The following DSCAM variants were observed in gnomAD, a reference collection of about 807,000 sequenced individuals.
DSCAM encodes the protein DS cell adhesion molecule.
DSCAM carries 47 observed loss-of-function variants against 217.7 expected under a neutral mutation model. The ratio of observed to expected loss-of-function variants is 0.22; its 90% CI spans 0.17 to 0.28. The LOEUF (loss-of-function observed/expected upper bound fraction) is 0.28, where lower values mean the gene tolerates loss of function less well. DSCAM is among the 10% of genes least tolerant of loss of function. The probability of loss-of-function intolerance (pLI) is 1.00; values close to 1 mark genes in which losing one functional copy is unlikely to be tolerated. For synonymous variants in DSCAM, 1,056 were observed against 1,015.3 expected (o/e 1.04, Z -0.76); for missense variants, 2,080 against 2,618.3 (o/e 0.79, Z 4.49).
chr21:40,093,637 G>C lies in DSCAM; in HGVS notation c.3850+84C>G, dbSNP rs1422976412. 4.0e-6 allele frequency: 6 copies of C among 1,483,908 alleles called. No individual in the cohort carries two copies. In the Admixed American group the frequency reaches 1.0e-4, roughly 25 times the overall value. 91.9% of individuals were successfully genotyped at this position (1,483,908 alleles called of 1,614,324 possible). A position where few individuals can be genotyped will look rare whatever the true frequency, so the allele number is the denominator to read the frequency against. On this transcript the variant is annotated intron_variant, in intron 21 of 32. Coordinates refer to ENST00000400454, the MANE Select transcript of DSCAM (RefSeq NM_001389.5). ...TCTGGTTTATTTGATTTTTAGGAAA[G>C]TGTAAGTTTTATTTCAGGTAAAATA...
chr21:40,415,433 G>T (rs1601624746), intron 3 of DSCAM, among the ~76,000 whole-genome samples: 1 of 152,338 alleles, frequency 6.6e-6, no homozygotes, highest in East Asian at 1.9e-4. Flanking sequence ...ATTTCAAAGA[G>T]AAATGAATAT....
chr21:40,590,208 G>A (rs455772), intron 3 of DSCAM, among the ~76,000 whole-genome samples: 21,829 of 152,222 alleles, frequency 0.14, 1,647 homozygotes, highest in African/African-American at 0.18. Flanking sequence ...CCAGGTCTGC[G>A]ACTTACATGG....
chr21:40,799,460 C>A (rs998122), intron 1 of DSCAM, among the ~76,000 whole-genome samples: 1 of 151,938 alleles, frequency 6.6e-6, no homozygotes, highest in African/African-American at 2.4e-5. Context: ...AACAAATTAC[C>A]CCAAGTTTGG....
chr21:40,673,618 G>A (rs1601839309), intron 3 of DSCAM, among the ~76,000 whole-genome samples: 1 of 152,244 alleles, frequency 6.6e-6, no homozygotes, highest in East Asian at 1.9e-4. Flanking sequence ...CCCTAATGTT[G>A]GAAGTGGGGC....
intron 16 of DSCAM, among the ~76,000 whole-genome samples, chr21:40,161,997 T>C (rs926837170): frequency 1.3e-5 from 2 of 152,230 alleles, no homozygotes; most frequent in Non-Finnish European, 2.9e-5. Context: ...GTAAATTTCA[T>C]ATATCTTTAA....
chr21:40,831,065 G>C (rs1169026557), intron 1 of DSCAM, among the ~76,000 whole-genome samples: 1 of 152,202 alleles, frequency 6.6e-6, no homozygotes, highest in Non-Finnish European at 1.5e-5. Flanking sequence ...CACGCAGTGT[G>C]TATCCTGCAG....
chr21:40,463,806 A>G (rs925691078), intron 3 of DSCAM, among the ~76,000 whole-genome samples: 1 of 152,146 alleles, frequency 6.6e-6, no homozygotes, highest in African/African-American at 2.4e-5. Context: ...CCTGAGCTCC[A>G]TCATTTGTCT....
At chr21:40,134,101 T>C in intron 18 of DSCAM, 92 bp from the exon 19 acceptor site, 1 of 1,459,636 alleles carries the variant, frequency 6.9e-7, no homozygotes, top group Non-Finnish European at 9.2e-7. Context: ...CCCTGTGCCA[T>C]GCCATCACCC....
At chr21:40,197,643 C>T (rs1022544915) in intron 11 of DSCAM, among the ~76,000 whole-genome samples, 2 of 152,220 alleles carry the variant, frequency 1.3e-5, no homozygotes, top group Non-Finnish European at 2.9e-5. Context: ...TCTCTTTCCT[C>T]CTTCCTTCCT....
At chr21:40,690,783 G>A (rs1354197152) in intron 3 of DSCAM, among the ~76,000 whole-genome samples, 6 of 152,288 alleles carry the variant, frequency 3.9e-5, no homozygotes, top group Non-Finnish European at 7.3e-5. Flanking sequence ...AATTAAAGAT[G>A]TCTAAAAACA....
intron 3 of DSCAM, among the ~76,000 whole-genome samples, chr21:40,500,488 C>A (rs572057495): frequency 3.3e-5 from 5 of 152,320 alleles, no homozygotes; most frequent in African/African-American, 1.2e-4. Context: ...GTCAACTTAA[C>A]TATTTTCTTT....
chr21:40,311,005 C>T (rs1481692853), intron 9 of DSCAM, among the ~76,000 whole-genome samples: 1 of 152,020 alleles, frequency 6.6e-6, no homozygotes, highest in Non-Finnish European at 1.5e-5. Flanking sequence ...GTGTCACTTC[C>T]TTTTGCTGGC....
chr21:40,424,349 T>C (rs552858827), intron 3 of DSCAM, among the ~76,000 whole-genome samples: 6 of 152,212 alleles, frequency 3.9e-5, no homozygotes, highest in South Asian at 4.2e-4. Flanking sequence ...GGTGTCCTTA[T>C]AGAATGGAGA....
chr21:40,389,084 T>TC (rs886613088), intron 3 of DSCAM, among the ~76,000 whole-genome samples: 11 of 152,076 alleles, frequency 7.2e-5, no homozygotes, highest in African/African-American at 2.7e-4. Flanking sequence ...TGAATAGAAA[T>TC]CCCCCGTGTT....
At chr21:40,266,638 TA>T (rs2073532778) in intron 11 of DSCAM, among the ~76,000 whole-genome samples, 6 of 106,678 alleles carry the variant, frequency 5.6e-5, no homozygotes, top group East Asian at 2.4e-4. Context: ...AGATGTTTTA[TA>T]TATATATATA....
At chr21:40,454,033 A>G (rs1257070072) in intron 3 of DSCAM, among the ~76,000 whole-genome samples, 1 of 152,216 alleles carries the variant, frequency 6.6e-6, no homozygotes, top group East Asian at 1.9e-4. Flanking sequence ...AGGTAGGATA[A>G]AGAAAAACAC....
chr21:40,640,294 C>T (rs137899526), intron 3 of DSCAM, among the ~76,000 whole-genome samples: 294 of 151,374 alleles, frequency 1.9e-3, no homozygotes, highest in Non-Finnish European at 3.1e-3. Flanking sequence ...TTCTCCCCAG[C>T]GGAGGGAGAA....
intron 3 of DSCAM, among the ~76,000 whole-genome samples, chr21:40,409,574 T>C (rs568501623): frequency 4.6e-5 from 7 of 152,180 alleles, no homozygotes; most frequent in African/African-American, 7.2e-5. Context: ...CTGTCTTTTA[T>C]TGAGTTATTC....
intron 21 of DSCAM, among the ~76,000 whole-genome samples, chr21:40,088,817 G>A (rs1161936148): frequency 6.6e-6 from 1 of 152,130 alleles, no homozygotes; most frequent in Non-Finnish European, 1.5e-5. Flanking sequence ...TAGAGTTAGG[G>A]GCTTTCCAGC....
Sources: allele counts gnomAD v4.1 joint callset (sites outside exome capture counted in the v4.1 genomes callset), GRCh38; gene constraint gnomAD v4.1.1; transcripts MANE v1.5; gene names NCBI Gene and HGNC (gene_info 2026-07-23, HGNC 2026-07-21).